Variants in IL17RD observed in about 807,000 individuals in gnomAD.
The protein encoded by IL17RD is interleukin-17 receptor D.
Under a neutral mutation model 80.5 loss-of-function variants are expected in IL17RD, and 52 were observed. That is an observed-to-expected ratio of 0.65 (90% CI 0.52 to 0.81). The LOEUF (loss-of-function observed/expected upper bound fraction) is 0.81. Ranked by LOEUF, IL17RD falls within the 40% of genes least tolerant of loss-of-function variation. The pLI, the probability that IL17RD is intolerant of heterozygous loss-of-function variation, is 0.00. For synonymous variants in IL17RD, 416 were observed against 391.8 expected (o/e 1.06, Z -0.73); for missense variants, 1,024 against 955.1 (o/e 1.07, Z -0.95).
chr3:57,096,514 AG>A lies in IL17RD; in HGVS notation c.2108-10del, dbSNP rs780633034. 3 of 1,556,984 alleles carry A rather than the reference AG, an allele frequency of 1.9e-6. No individual in the cohort carries two copies. The African/African-American group carries it at 4.1e-5, about 21-fold the overall frequency. On this transcript the variant is annotated splice_polypyrimidine_tract_variant and intron_variant, in intron 12 of 12. Coordinates refer to ENST00000296318, the MANE Select transcript of IL17RD (RefSeq NM_017563.5). Reference sequence around the variant, plus strand: ...AGGAGGTTCCTCCTCACCTAAGGAGAGAAGAGAGTACAGAGTCACACTGTCA... The same window carrying A: ...AGGAGGTTCCTCCTCACCTAAGGAGAAAGAGAGTACAGAGTCACACTGTCA...
rs751847693 is a variant in IL17RD, at chr3:57,154,260, T to TTATATATATATATATA, written c.126+10885_126+10900dup. ...TGAGACCTTGTCTCAAAAAAAAAAA[T>TTATATATATATATATA]TATATATATATATATATATATATAC... On this transcript the variant is annotated intron_variant, in intron 1 of 12. Coordinates refer to ENST00000296318, the MANE Select transcript of IL17RD (RefSeq NM_017563.5). Among the ~76,000 whole-genome samples, 47 of 128,584 alleles carry TTATATATATATATATA rather than the reference T, an allele frequency of 3.7e-4. 1 individual carries two copies. Among genetic ancestry groups the TTATATATATATATATA allele is most frequent in the African/African-American group, 1.4e-3 (46 of 32,484 alleles). 84.4% of individuals were successfully genotyped at this position (128,584 alleles called of 152,430 possible). A position where few individuals can be genotyped will look rare whatever the true frequency, so the allele number is the denominator to read the frequency against.
At chr3:57,148,888 C>T (rs980101163) in intron 1 of IL17RD, among the ~76,000 whole-genome samples, 1 of 152,184 alleles carries the variant, frequency 6.6e-6, no homozygotes, top group African/African-American at 2.4e-5. Context: ...CCTGTATATC[C>T]TATCACTGCA....
intron 1 of IL17RD, among the ~76,000 whole-genome samples, chr3:57,155,829 G>C (rs964391213): frequency 3.3e-5 from 5 of 152,160 alleles, no homozygotes; most frequent in African/African-American, 9.7e-5. Flanking sequence ...GACCTCAGGT[G>C]ATCCGCCTGC....
At chr3:57,123,502 G>A (rs1707384036) in intron 1 of IL17RD, among the ~76,000 whole-genome samples, 1 of 152,148 alleles carries the variant, frequency 6.6e-6, no homozygotes, top group Non-Finnish European at 1.5e-5. Context: ...CCCCTCCCCT[G>A]GTGGGCTGCT....
rs555729781 is a variant in IL17RD, at chr3:57,091,376, T to C, written c.*5017A>G. ...GCAGTCAAATAATTCTCAATGAATA[T>C]AGGTGACATATCATTTTGTGAAAGT... is the stretch of plus-strand genomic sequence containing the variant. On this transcript the variant is annotated 3_prime_UTR_variant, in exon 13 of 13. Coordinates refer to ENST00000296318, the MANE Select transcript of IL17RD (RefSeq NM_017563.5). 7.9e-5 allele frequency: 12 copies of C among 152,586 alleles called. No homozygotes were observed. Among genetic ancestry groups the C allele is most frequent in the Non-Finnish European group, 1.3e-4 (9 of 68,036 alleles). 9.5% of individuals were successfully genotyped at this position (152,586 alleles called of 1,614,324 possible). A position where few individuals can be genotyped will look rare whatever the true frequency, so the allele number is the denominator to read the frequency against.
rs189579017 is a variant in IL17RD at position 57,152,989 on chromosome 3, C to T, written c.126+12172G>A. On this transcript the variant is annotated intron_variant, in intron 1 of 12. Transcript: ENST00000296318. ...GGAACTCATTCCCCGTCTCTGAGGGCGACATCTATAACTGCAACAAGCCCA... is the reference window on the plus strand; with the variant it reads ...GGAACTCATTCCCCGTCTCTGAGGGTGACATCTATAACTGCAACAAGCCCA... Among the ~76,000 whole-genome samples the T allele has an allele frequency of 3.4e-3, 512 of 152,280 alleles. 1 individual carries two copies. The highest frequency in any genetic ancestry group is 4.9e-3 in the Non-Finnish European group (336 of 68,024).
At position 57,165,331 on chromosome 3, in the gene IL17RD, C is replaced by T. The variant is rs1233348705; in HGVS notation, c.-45G>A. The T allele has an allele frequency of 3.1e-6, 4 of 1,310,396 alleles. No homozygotes were observed. The African/African-American group carries it at 6.2e-5, about 20-fold the overall frequency. The allele number at this position is 1,310,396 out of a possible 1,614,324, so 81.2% of individuals were successfully genotyped here. ...CAGGCCGTTCTCTGCGCCCCGGCCG[C>T]CCGCCGCTGGCCAGCCCCGAGTGGG... On this transcript the variant is annotated 5_prime_UTR_variant, in exon 1 of 13. Transcript: ENST00000296318.
chr3:57,134,291 C>T (rs1707674436), intron 1 of IL17RD: 1 of 682,512 alleles, frequency 1.5e-6, no homozygotes, highest in African/African-American at 1.8e-5. Context: ...TGATCATCTA[C>T]AAACCTGTGA....
intron 1 of IL17RD, among the ~76,000 whole-genome samples, chr3:57,163,803 A>AGGGGGGGGGGGG (rs1401715931): frequency 7.2e-4 from 4 of 5,524 alleles, no homozygotes; most frequent in African/African-American, 1.5e-3. Flanking sequence ...CGGGGGGGGA[A>AGGGGGGGGGGGG]GGGGGTGGCG....
At chr3:57,137,867 G>C (rs1291067184) in intron 1 of IL17RD, among the ~76,000 whole-genome samples, 1 of 152,158 alleles carries the variant, frequency 6.6e-6, no homozygotes, top group African/African-American at 2.4e-5. Context: ...CTTCCAAACA[G>C]AGCTCATTAA....
intron 1 of IL17RD, among the ~76,000 whole-genome samples, chr3:57,138,694 G>C (rs1403136342): frequency 6.6e-6 from 1 of 152,002 alleles, no homozygotes; most frequent in African/African-American, 2.4e-5. Flanking sequence ...CCAGCACTTT[G>C]GGATGCCAAG....
chr3:57,102,723 TTGG>T, intron 9 of IL17RD, 134 bp from the exon 10 acceptor site: 1 of 485,754 alleles, frequency 2.1e-6, no homozygotes, highest in South Asian at 4.9e-5. Context: ...CTAGTGTGGT[TTGG>T]TGATTTAAAA....
At chr3:57,166,559 A>C (rs369515806), upstream of IL17RD, among the ~76,000 whole-genome samples, 17 of 152,288 alleles carry the variant, frequency 1.1e-4, 1 homozygote, top group South Asian at 6.2e-4. Context: ...CCACCAACAA[A>C]AAAAAACAGT....
At chr3:57,105,552 A>AAAAAAAAAAAAAAAAATATAT in intron 7 of IL17RD, among the ~76,000 whole-genome samples, 11 of 63,584 alleles carry the variant, frequency 1.7e-4, no homozygotes, top group Non-Finnish European at 2.5e-4. Flanking sequence ...AAAAAAAAAA[A>AAAAAAAAAAAAAAAAATATAT]ATATATATAT....
In IL17RD at chr3:57,163,798, G is replaced by C. The variant is rs1257487588; in HGVS notation, c.126+1363C>G. ...AGCCTAATGGGGCGGGGGGGCGGGG[G>C]GGGAAGGGGGTGGCGGGGGCGGAGG... is the stretch of plus-strand genomic sequence containing the variant. On this transcript the variant is annotated intron_variant, in intron 1 of 12. Coordinates refer to ENST00000296318, the MANE Select transcript of IL17RD (RefSeq NM_017563.5). 2.8e-4 allele frequency among the ~76,000 whole-genome samples: 33 copies of C among 116,722 alleles called. 3 individuals are homozygous for C. Among genetic ancestry groups the C allele is most frequent in the Middle Eastern group, 7.7e-3 (2 of 260 alleles). The allele number at this position is 116,722 out of a possible 152,430, so 76.6% of individuals were successfully genotyped here. A position where few individuals can be genotyped will look rare whatever the true frequency, so the allele number is the denominator to read the frequency against.
chr3:57,102,041 G>C (rs1559466932), intron 10 of IL17RD, among the ~76,000 whole-genome samples: 1 of 152,004 alleles, frequency 6.6e-6, no homozygotes, highest in Non-Finnish European at 1.5e-5. Context: ...CAGGAGGAAT[G>C]CTTGAGCTTA....
chr3:57,113,320 C>T (rs962520526), intron 3 of IL17RD, among the ~76,000 whole-genome samples: 1 of 152,158 alleles, frequency 6.6e-6, no homozygotes, highest in Non-Finnish European at 1.5e-5. Context: ...TCACCGCAAC[C>T]TCTGCCTTGT....
intron 1 of IL17RD, among the ~76,000 whole-genome samples, chr3:57,154,277 T>TACACACACACACAC (rs1420516131): frequency 8.0e-5 from 10 of 124,522 alleles, no homozygotes; most frequent in Middle Eastern, 4.0e-3. Context: ...TATATATATA[T>TACACACACACACAC]ATATATACAC....
intron 1 of IL17RD, among the ~76,000 whole-genome samples, chr3:57,132,866 G>A (rs1031316413): frequency 3.3e-5 from 5 of 152,048 alleles, no homozygotes; most frequent in Non-Finnish European, 7.4e-5. Context: ...GTGTCCACTA[G>A]ATGAAGAAAA....
Sources: gnomAD v4.1 joint callset for allele counts (sites outside exome capture counted in the v4.1 genomes callset) on GRCh38, gnomAD v4.1.1 for gene constraint, MANE v1.5 for transcripts, NCBI Gene and HGNC (gene_info 2026-07-23, HGNC 2026-07-21) for gene names.